The following TFCP2 variants were observed in gnomAD, a reference collection of about 807,000 sequenced individuals.
TFCP2 encodes alpha-globin transcription factor CP2.
TFCP2 carries 33 observed loss-of-function variants against 73.4 expected under a neutral mutation model. The ratio of observed to expected loss-of-function variants is 0.45; its 90% CI spans 0.34 to 0.60. The LOEUF (loss-of-function observed/expected upper bound fraction) is 0.60, where lower values mean the gene tolerates loss of function less well. Ranked by LOEUF, TFCP2 falls within the 20% of genes least tolerant of loss-of-function variation. The probability of loss-of-function intolerance (pLI) is 0.01; values close to 1 mark genes in which losing one functional copy is unlikely to be tolerated. For synonymous variants in TFCP2, 193 were observed against 211.6 expected, an observed-to-expected ratio of 0.91 and a Z score of 0.76; for missense variants, 352 against 604.0, an observed-to-expected ratio of 0.58 and a Z score of 4.37.
intron 1 of TFCP2, among the ~76,000 whole-genome samples, chr12:51,136,818 A>G (rs535189592): frequency 6.6e-6 from 1 of 152,234 alleles, no homozygotes; most frequent in South Asian, 2.1e-4. Flanking sequence ...ATGCACCTGT[A>G]GCCCGTAGTC....
chr12:51,107,169 TG>T, intron 7 of TFCP2, 66 bp downstream of exon 7: 1 of 1,297,458 alleles, frequency 7.7e-7, no homozygotes, highest in African/African-American at 1.5e-5. Context: ...CTGACCAGTT[TG>T]GAAGTGATGA....
rs576757989 is a variant in TFCP2, at chr12:51,166,212, G to C, written c.122+6089C>G. Among the ~76,000 whole-genome samples the C allele has an allele frequency of 3.3e-5, 5 of 151,928 alleles. No homozygotes were observed. The South Asian group carries it at 1.0e-3, about 32-fold the overall frequency. ...TGCCTGTAATCCCAGCTACTTGGGA[G>C]GCTGAGGCAGGAGAATCGCTTGAAG... On this transcript the variant is annotated intron_variant, in intron 1 of 14. Coordinates refer to ENST00000257915, the MANE Select transcript of TFCP2 (RefSeq NM_005653.5).
In TFCP2 at chr12:51,110,910, C is replaced by T; in HGVS notation, c.531G>A (p.Trp177Ter). 2 of 1,613,978 alleles carry T rather than the reference C, an allele frequency of 1.2e-6. No individual in the cohort carries two copies. Reference protein sequence around the residue: ...PTQLNTVEFLWDPAKRTSVFI... With the variant: ...PTQLNTVEFL ...ACACAGATGTCCTCTTTGCAGGGTC[C>T]CACAGGAACTCCACTGTATTTAGTT... The change falls in exon 5 of 15, where the codon TGG becomes TGA. Residue 177 changes from tryptophan to a stop codon, truncating the protein, a stop_gained. Transcript: ENST00000257915. LOFTEE classifies it high-confidence loss of function.
chr12:51,130,367 G>T (rs1940912905), intron 1 of TFCP2, among the ~76,000 whole-genome samples: 1 of 152,026 alleles, frequency 6.6e-6, no homozygotes, highest in Non-Finnish European at 1.5e-5. Flanking sequence ...AGCTACTCAG[G>T]AGGCTGAGGC....
chr12:51,115,064 G>GAAGAAAAAA (rs1940493888), intron 4 of TFCP2, among the ~76,000 whole-genome samples: 2 of 68,056 alleles, frequency 2.9e-5, no homozygotes, highest in African/African-American at 1.1e-4. Flanking sequence ...TCCATCTCAG[G>GAAGAAAAAA]AAAAAAAAAA....
At chr12:51,131,595 TC>T (rs1206485198) in intron 1 of TFCP2, among the ~76,000 whole-genome samples, 1 of 152,184 alleles carries the variant, frequency 6.6e-6, no homozygotes, top group Non-Finnish European at 1.5e-5. Context: ...TGAATGATAC[TC>T]TCAGATCTTC....
intron 1 of TFCP2, among the ~76,000 whole-genome samples, chr12:51,156,316 G>A (rs1391591399): frequency 1.3e-5 from 2 of 151,004 alleles, no homozygotes; most frequent in Admixed American, 1.3e-4. Flanking sequence ...GGAAGAGCAG[G>A]TATGTCACAT....
chr12:51,156,160 G>A (rs1472989828), intron 1 of TFCP2, among the ~76,000 whole-genome samples: 1 of 152,050 alleles, frequency 6.6e-6, no homozygotes, highest in Non-Finnish European at 1.5e-5. Context: ...TGCTATAAAG[G>A]AATACCTGAG....
In TFCP2 at chr12:51,172,439, C is replaced by G. The variant is rs1356997756; in HGVS notation, c.-17G>C. The stretch of plus-strand genomic sequence containing the variant: ...CCAGGCCATCCTGGCTCCTTCCTTG[C>G]CCCAGGAGACACCGTGTCTTGTACA... On this transcript the variant is annotated 5_prime_UTR_variant, in exon 1 of 15. Transcript: ENST00000257915. 1 of 1,613,616 alleles carries G rather than the reference C, an allele frequency of 6.2e-7. No homozygotes were observed. Among genetic ancestry groups the G allele is most frequent in the Non-Finnish European group, 8.5e-7 (1 of 1,179,892 alleles).
Position 51,136,033 on chromosome 12 carries a change from G to A in TFCP2, c.123-17261C>T, listed in dbSNP as rs143891375. ...GTTAAAGAAGGTTCCCTGGCCGGGC[G>A]CGGTGGCTCATGCCTGTAATCCCAA... is the stretch of plus-strand genomic sequence containing the variant. On this transcript the variant is annotated intron_variant, in intron 1 of 14. Transcript: ENST00000257915. Among the ~76,000 whole-genome samples, 116 of 152,050 alleles carry A rather than the reference G, an allele frequency of 7.6e-4. 1 individual carries two copies. The highest frequency in any genetic ancestry group is 2.6e-3 in the African/African-American group (106 of 41,474).
At position 51,169,880 on chromosome 12, in the gene TFCP2, T is replaced by C. The variant is rs549818986; in HGVS notation, c.122+2421A>G. ...TAATGTCTGTGAAAAACACAGAGTA[T>C]GATTTGTAAAGAACTCTTAATTAAA... On this transcript the variant is annotated intron_variant, in intron 1 of 14. Coordinates refer to ENST00000257915, the MANE Select transcript of TFCP2 (RefSeq NM_005653.5). Among the ~76,000 whole-genome samples the C allele has an allele frequency of 4.6e-5, 7 of 152,350 alleles. No homozygotes were observed. In the South Asian group the frequency reaches 1.4e-3, roughly 32 times the overall value.
intron 1 of TFCP2, among the ~76,000 whole-genome samples, chr12:51,131,116 T>A (rs1592813945): frequency 6.7e-6 from 1 of 150,158 alleles, no homozygotes; most frequent in Non-Finnish European, 1.5e-5. Context: ...GATCACGGGG[T>A]CAGGAGATCG....
At chr12:51,159,846 G>A (rs1941612515) in intron 1 of TFCP2, among the ~76,000 whole-genome samples, 1 of 152,142 alleles carries the variant, frequency 6.6e-6, no homozygotes, top group African/African-American at 2.4e-5. Context: ...CTACATGCAA[G>A]CTGCTCCAGG....
At chr12:51,109,037 G>T in intron 6 of TFCP2, 84 bp downstream of exon 6, 1 of 1,481,202 alleles carries the variant, frequency 6.8e-7, no homozygotes, top group South Asian at 1.3e-5. Context: ...AAAAAGACAA[G>T]TTGATTTTCT....
chr12:51,141,275 G>A (rs1481944527), intron 1 of TFCP2, among the ~76,000 whole-genome samples: 1 of 151,554 alleles, frequency 6.6e-6, no homozygotes, highest in Non-Finnish European at 1.5e-5. Flanking sequence ...TTTCTGCCCA[G>A]AAGGCTAAAT....
chr12:51,105,045 A>T (rs1390096170), intron 8 of TFCP2, among the ~76,000 whole-genome samples: 1 of 149,510 alleles, frequency 6.7e-6, no homozygotes, highest in African/African-American at 2.5e-5. Flanking sequence ...CCCAAAAATT[A>T]GTGCTGCCTA....
intron 1 of TFCP2, among the ~76,000 whole-genome samples, chr12:51,166,680 C>T (rs934953451): frequency 1.3e-5 from 2 of 152,174 alleles, no homozygotes; most frequent in African/African-American, 4.8e-5. Context: ...TTGATTACCT[C>T]ACCTTTCCTA....
chr12:51,100,146 G>A (rs1940074438), intron 11 of TFCP2, among the ~76,000 whole-genome samples: 1 of 152,094 alleles, frequency 6.6e-6, no homozygotes, highest in Non-Finnish European at 1.5e-5. Flanking sequence ...TACATTACCT[G>A]TATGTACTCT....
intron 1 of TFCP2, among the ~76,000 whole-genome samples, chr12:51,151,585 C>T (rs1440954489): frequency 1.3e-5 from 2 of 152,054 alleles, no homozygotes; most frequent in East Asian, 1.9e-4. Flanking sequence ...TACAGGCGCC[C>T]GCCACCACGC....
Sources: allele counts gnomAD v4.1 joint callset (sites outside exome capture counted in the v4.1 genomes callset), GRCh38; gene constraint gnomAD v4.1.1; transcripts MANE v1.5; gene names NCBI Gene and HGNC (gene_info 2026-07-23, HGNC 2026-07-21).